Variants in PTPRD observed in about 807,000 individuals in gnomAD.
PTPRD encodes the protein receptor-type tyrosine-protein phosphatase delta.
In PTPRD, 34 loss-of-function variants were observed where a neutral mutation model predicts 214.5. The ratio of observed to expected loss-of-function variants is 0.16; its 90% CI spans 0.12 to 0.21. The LOEUF (loss-of-function observed/expected upper bound fraction) is 0.21. Ranked by LOEUF, PTPRD falls within the 10% of genes least tolerant of loss-of-function variation. The pLI is 1.00. For missense variants in PTPRD, 2,545 were observed against 2,398.7 expected, an observed-to-expected ratio of 1.06 and a Z score of -1.27; for synonymous variants, 1,128 against 845.7, an observed-to-expected ratio of 1.33 and a Z score of -5.79.
chr9:8,551,157 C>T (rs1427763952), intron 14 of PTPRD, among the ~76,000 whole-genome samples: 1 of 152,200 alleles, frequency 6.6e-6, no homozygotes, highest in East Asian at 1.9e-4. Context: ...TCAAAGGGTA[C>T]ATTTCTAATA....
intron 10 of PTPRD, among the ~76,000 whole-genome samples, chr9:9,023,120 T>C (rs2099575339): frequency 6.6e-6 from 1 of 152,096 alleles, no homozygotes; most frequent in Admixed American, 6.6e-5. Context: ...TAGGAATAAG[T>C]GGGATAAAGT....
chr9:9,515,512 G>C (rs1420506672), intron 8 of PTPRD, among the ~76,000 whole-genome samples: 1 of 152,042 alleles, frequency 6.6e-6, no homozygotes, highest in African/African-American at 2.4e-5. Context: ...GTTTTTCTAT[G>C]TATCACTACA....
chr9:8,832,370 A>G (rs1032577299), intron 11 of PTPRD, among the ~76,000 whole-genome samples: 3 of 151,940 alleles, frequency 2.0e-5, no homozygotes, highest in Admixed American at 6.6e-5. Flanking sequence ...CAGAAAAACA[A>G]AAAGATGTCA....
chr9:9,981,832 T>G (rs992541052), intron 4 of PTPRD, among the ~76,000 whole-genome samples: 1 of 152,160 alleles, frequency 6.6e-6, no homozygotes, highest in Non-Finnish European at 1.5e-5. Flanking sequence ...AAAATCATAT[T>G]TATTTTACTT....
chr9:8,446,321 A>G (rs1246745535), intron 34 of PTPRD, among the ~76,000 whole-genome samples: 1 of 152,246 alleles, frequency 6.6e-6, no homozygotes, highest in Non-Finnish European at 1.5e-5. Flanking sequence ...TCGATTCTCC[A>G]AAAGAATAAA....
chr9:10,354,802 G>C (rs2097246002), intron 2 of PTPRD, among the ~76,000 whole-genome samples: 1 of 152,148 alleles, frequency 6.6e-6, no homozygotes, highest in Admixed American at 6.5e-5. Flanking sequence ...GCATCTGACA[G>C]TTCTAATGGA....
At chr9:9,394,831 T>C (rs1255303654) in intron 9 of PTPRD, among the ~76,000 whole-genome samples, 1 of 152,094 alleles carries the variant, frequency 6.6e-6, no homozygotes. Flanking sequence ...TCATCTGGGA[T>C]GATTATTAAA....
intron 5 of PTPRD, among the ~76,000 whole-genome samples, chr9:9,892,998 T>C (rs1433191277): frequency 6.6e-6 from 1 of 152,046 alleles, no homozygotes; most frequent in East Asian, 1.9e-4. Context: ...ATAAATTTGG[T>C]TTTAGACAAG....
chr9:9,985,909 A>G (rs1437853650), intron 4 of PTPRD, among the ~76,000 whole-genome samples: 2 of 152,120 alleles, frequency 1.3e-5, no homozygotes, highest in East Asian at 3.8e-4. Flanking sequence ...TCTAACCATG[A>G]AAACTAATGT....
rs1442967999 is a variant in PTPRD, at chr9:8,934,441, ATATATAAATT to A, written c.-104+84246_-104+84255del. 8.0e-4 allele frequency among the ~76,000 whole-genome samples: 35 copies of A among 43,960 alleles called. 1 individual carries two copies. Among genetic ancestry groups the A allele is most frequent in the Non-Finnish European group, 1.2e-3 (28 of 22,636 alleles). 28.8% of individuals were successfully genotyped at this position (43,960 alleles called of 152,430 possible). On this transcript the variant is annotated intron_variant, in intron 11 of 45. Coordinates refer to ENST00000381196, the MANE Select transcript of PTPRD (RefSeq NM_002839.4). ...TGTGTGTATATATATATATAAATATATATATAAATTTATATATATATAAATATATATATAT... is the reference window on the plus strand; with the variant it reads ...TGTGTGTATATATATATATAAATATATATATATATATAAATATATATATAT...
intron 10 of PTPRD, among the ~76,000 whole-genome samples, chr9:9,114,978 A>G (rs1308166094): frequency 1.3e-5 from 2 of 151,968 alleles, no homozygotes. Context: ...GGTTATCTAC[A>G]TTTCATGGTT....
chr9:9,574,580 T>A (rs1591955001), intron 8 of PTPRD, among the ~76,000 whole-genome samples, 152 bp downstream of exon 8: 1 of 151,984 alleles, frequency 6.6e-6, no homozygotes, highest in African/African-American at 2.4e-5. Context: ...AACATAAACA[T>A]TTTGATAGAA....
chr9:8,815,576 C>T (rs1042025797), intron 11 of PTPRD, among the ~76,000 whole-genome samples: 2 of 152,152 alleles, frequency 1.3e-5, no homozygotes, highest in African/African-American at 4.8e-5. Flanking sequence ...TTATTATATA[C>T]AAATTTTGTC....
At chr9:8,421,564 C>G (rs1304395671) in intron 35 of PTPRD, among the ~76,000 whole-genome samples, 2 of 152,194 alleles carry the variant, frequency 1.3e-5, no homozygotes, top group East Asian at 1.9e-4. Context: ...ACACAGCAAA[C>G]AGCGAATCAA....
intron 10 of PTPRD, among the ~76,000 whole-genome samples, chr9:9,125,007 T>A (rs2099826288): frequency 6.6e-6 from 1 of 152,204 alleles, no homozygotes; most frequent in African/African-American, 2.4e-5. Context: ...TCTGTCTTCC[T>A]GCCATCCCTC....
rs539999479 is a variant in PTPRD at position 10,144,901 on chromosome 9, G to T, written c.-544-111111C>A. Among the ~76,000 whole-genome samples, 2 of 151,760 alleles carry T rather than the reference G, an allele frequency of 1.3e-5. 1 individual carries two copies. The highest frequency in any genetic ancestry group is 4.2e-4 in the South Asian group (2 of 4,808). On this transcript the variant is annotated intron_variant, in intron 3 of 45. Coordinates refer to ENST00000381196, the MANE Select transcript of PTPRD (RefSeq NM_002839.4). ...TTAGCCAAAATTAAAAATAAAATTAGTATTAAACTACAGCATTGTACTATA... is the reference window on the plus strand; with the variant it reads ...TTAGCCAAAATTAAAAATAAAATTATTATTAAACTACAGCATTGTACTATA...
intron 3 of PTPRD, among the ~76,000 whole-genome samples, chr9:10,248,530 A>AC (rs2092442748): frequency 7.3e-6 from 1 of 137,808 alleles, no homozygotes; most frequent in Non-Finnish European, 1.6e-5. Flanking sequence ...AAAAAAATAA[A>AC]AAAAATAAAG....
chr9:8,905,766 G>A (rs1420226005), intron 11 of PTPRD, among the ~76,000 whole-genome samples: 1 of 150,804 alleles, frequency 6.6e-6, no homozygotes, highest in Non-Finnish European at 1.5e-5. Flanking sequence ...TGGAGAGAGA[G>A]AAAAGAATTA....
chr9:10,568,907 C>A (rs1042443770), intron 2 of PTPRD, among the ~76,000 whole-genome samples: 2 of 152,006 alleles, frequency 1.3e-5, no homozygotes, highest in Admixed American at 1.3e-4. Context: ...GCAACAAAAG[C>A]CAAAATTGAC....
Sources: gnomAD v4.1 joint callset for allele counts (sites outside exome capture counted in the v4.1 genomes callset) on GRCh38, gnomAD v4.1.1 for gene constraint, MANE v1.5 for transcripts, NCBI Gene and HGNC (gene_info 2026-07-23, HGNC 2026-07-21) for gene names.